CA12: variants seen among roughly 807,000 people sequenced by gnomAD.
CA12 encodes the protein carbonate dehydratase XII.
In CA12, 36 loss-of-function variants were observed where a neutral mutation model predicts 46.8. The observed-to-expected ratio is 0.77, with a 90% CI of 0.59 to 1.02. The LOEUF is 1.02. Ranked by LOEUF, CA12 falls within the 50% of genes least tolerant of loss-of-function variation. CA12 has a pLI of 0.00. For missense variants in CA12, 436 were observed against 451.4 expected, an observed-to-expected ratio of 0.97 and a Z score of 0.31; for synonymous variants, 202 against 187.0, an observed-to-expected ratio of 1.08 and a Z score of -0.65.
At chr15:63,342,207 C>T (rs1171732535) in intron 4 of CA12, 110 bp from the exon 5 acceptor site, 6 of 732,218 alleles carry the variant, frequency 8.2e-6, no homozygotes, top group African/African-American at 3.5e-5. Context: ...GCCCCCTCAG[C>T]CCCCCAGACT....
chr15:63,348,687 G>C lies in CA12; in HGVS notation c.107-1978C>G, dbSNP rs558343973. On this transcript the variant is annotated intron_variant, in intron 2 of 10. Coordinates refer to ENST00000178638, the MANE Select transcript of CA12 (RefSeq NM_001218.5). This position sits in a 1 kb window ranked among gnomAD's most constrained non-coding sequence, Gnocchi z 4.6. ...TGACTAAAGGGAACTGGATTAGAAG[G>C]GTTTTCTTTTCCCACAGTGGAGGTT... Among the ~76,000 whole-genome samples, 1 of 152,166 alleles carries C rather than the reference G, an allele frequency of 6.6e-6. No individual in the cohort carries two copies. Among genetic ancestry groups the C allele is most frequent in the Non-Finnish European group, 1.5e-5 (1 of 68,042 alleles).
At chr15:63,361,639 G>A (rs1481919656) in intron 2 of CA12, among the ~76,000 whole-genome samples, 3 of 152,186 alleles carry the variant, frequency 2.0e-5, no homozygotes, top group African/African-American at 7.2e-5. Flanking sequence ...CGTGAGGAAA[G>A]AGGAACCAGA....
chr15:63,340,813 G>A lies in CA12; in HGVS notation c.526-30C>T. 1 of 1,597,626 alleles carries A rather than the reference G, an allele frequency of 6.3e-7. No homozygotes were observed. The highest frequency in any genetic ancestry group is 8.6e-7 in the Non-Finnish European group (1 of 1,165,010). On this transcript the variant is annotated intron_variant, in intron 5 of 10. Coordinates refer to ENST00000178638, the MANE Select transcript of CA12 (RefSeq NM_001218.5). This position sits in a 1 kb window ranked among gnomAD's most constrained non-coding sequence, Gnocchi z 4.4. ...AACAGAGACAGGGCAGGTTAAACTG[G>A]GACAGAACAGGATAGGCTGAGCCAG...
Position 63,378,950 on chromosome 15 carries a change from C to T in CA12, c.85+2686G>A, listed in dbSNP as rs1399975544. The T allele has an allele frequency of 6.6e-6, 1 of 152,266 alleles. No homozygotes were observed. The highest frequency in any genetic ancestry group is 1.5e-5 in the Non-Finnish European group (1 of 68,068). 9.4% of individuals were successfully genotyped at this position (152,266 alleles called of 1,614,324 possible). On this transcript the variant is annotated intron_variant, in intron 1 of 10. Coordinates refer to ENST00000178638, the MANE Select transcript of CA12 (RefSeq NM_001218.5). The surrounding 1 kb of genome is among the most constrained non-coding windows in gnomAD (Gnocchi z 4.8). ...TACCTGCTCACATTCAAATCATAGC[C>T]TTATACCCTACATCTTCTGCTACCC... is the stretch of plus-strand genomic sequence containing the variant.
chr15:63,351,964 C>T (rs761021627), intron 2 of CA12, among the ~76,000 whole-genome samples: 11 of 152,146 alleles, frequency 7.2e-5, no homozygotes, highest in Non-Finnish European at 1.3e-4. Flanking sequence ...TTTTTAAGCT[C>T]ATTTCAGAAA....
Position 63,375,429 on chromosome 15 carries a change from T to C in CA12, c.106+229A>G, listed in dbSNP as rs569999378. The C allele has an allele frequency of 1.3e-4, 67 of 502,018 alleles. 2 individuals carry two copies. In the South Asian group the frequency reaches 1.7e-3, roughly 13 times the overall value. 31.1% of individuals were successfully genotyped at this position (502,018 alleles called of 1,614,324 possible). ...GAATCTGAAGCCTGGACACTATGAC[T>C]CACAGTCCTGTGCCTGGAGCAGGCT... On this transcript the variant is annotated intron_variant, in intron 2 of 10. Transcript: ENST00000178638.
chr15:63,343,199 T>C (rs2039103313), intron 4 of CA12, among the ~76,000 whole-genome samples: 1 of 152,066 alleles, frequency 6.6e-6, no homozygotes, highest in Admixed American at 6.6e-5. Flanking sequence ...GTCTGTACTT[T>C]TCTTATTGTG....
intron 2 of CA12, among the ~76,000 whole-genome samples, chr15:63,359,228 C>T (rs560542623): frequency 6.6e-5 from 10 of 152,282 alleles, no homozygotes; most frequent in African/African-American, 2.2e-4. Context: ...CCAGATGTGG[C>T]TGGAAGGGGA....
chr15:63,349,248 TA>T (rs1287296415), intron 2 of CA12, among the ~76,000 whole-genome samples: 6 of 152,208 alleles, frequency 3.9e-5, no homozygotes, highest in Non-Finnish European at 8.8e-5. Context: ...TTAAGAATAC[TA>T]GGACTAAGCA....
chr15:63,336,314 C>T (rs1414064632), intron 8 of CA12, among the ~76,000 whole-genome samples: 3 of 152,118 alleles, frequency 2.0e-5, no homozygotes, highest in Admixed American at 6.6e-5. Context: ...AGACACAAGC[C>T]GGTCTAAGAA....
In CA12 at chr15:63,327,326, T is replaced by C; in HGVS notation, c.908-93A>G. On this transcript the variant is annotated intron_variant, in intron 9 of 10. Coordinates refer to ENST00000178638, the MANE Select transcript of CA12 (RefSeq NM_001218.5). This position sits in a 1 kb window ranked among gnomAD's most constrained non-coding sequence, Gnocchi z 4.5. ...GGTGTGAAATCATGGCCCAGCTGCA[T>C]AATCATCCACAGAAAGGAATAATTT... 3.3e-6 allele frequency: 3 copies of C among 922,272 alleles called. No homozygotes were observed. Among genetic ancestry groups the C allele is most frequent in the East Asian group, 2.6e-5 (1 of 37,832 alleles). The allele number at this position is 922,272 out of a possible 1,614,324, so 57.1% of individuals were successfully genotyped here.
At chr15:63,379,073 C>CAT (rs1198929146) in intron 1 of CA12, 3 of 152,196 alleles carry the variant, frequency 2.0e-5, no homozygotes, top group Non-Finnish European at 4.4e-5. Context: ...GGCTAAAAGT[C>CAT]ATAGAGTGGA....
chr15:63,368,337 C>CAT, intron 2 of CA12, among the ~76,000 whole-genome samples: 1 of 152,280 alleles, frequency 6.6e-6, no homozygotes, highest in South Asian at 2.1e-4. Flanking sequence ...TGCGCTCCAC[C>CAT]GTGGTGCCTG....
At chr15:63,381,084 A>T (rs1428294804) in intron 1 of CA12, among the ~76,000 whole-genome samples, 1 of 152,110 alleles carries the variant, frequency 6.6e-6, no homozygotes, top group South Asian at 2.1e-4. Context: ...ACGTGCACAC[A>T]CACGTACATT....
At position 63,327,424 on chromosome 15, in the gene CA12, C is replaced by T. The variant is rs978899374; in HGVS notation, c.908-191G>A. On this transcript the variant is annotated intron_variant, in intron 9 of 10. Transcript: ENST00000178638. The surrounding 1 kb of genome is among the most constrained non-coding windows in gnomAD (Gnocchi z 4.5). ...TGGAGTATTTTGAGGTGGCCGTTTG[C>T]AAATTCTAGTGGTTTTCCAGCAGAT... Among the ~76,000 whole-genome samples, 1 of 151,812 alleles carries T rather than the reference C, an allele frequency of 6.6e-6. No individual in the cohort carries two copies. Among genetic ancestry groups the T allele is most frequent in the Admixed American group, 6.6e-5 (1 of 15,234 alleles).
rs911883766 is a variant in CA12, at chr15:63,328,331, G to A, written c.875-201C>T. Among the ~76,000 whole-genome samples the A allele has an allele frequency of 2.0e-5, 3 of 149,334 alleles. No individual in the cohort carries two copies. The highest frequency in any genetic ancestry group is 4.9e-5 in the African/African-American group (2 of 40,578). ...AATTCATACTGCAATCCCTCCTTCC[G>A]ATGCTCCTTTTTTTTTTTTTTTTGA... is the stretch of plus-strand genomic sequence containing the variant. On this transcript the variant is annotated intron_variant, in intron 8 of 10. Transcript: ENST00000178638. This position sits in a 1 kb window ranked among gnomAD's most constrained non-coding sequence, Gnocchi z 5.9.
In CA12 at chr15:63,340,874, G is replaced by T. The variant is rs2039069974; in HGVS notation, c.526-91C>A. 1.8e-6 allele frequency: 2 copies of T among 1,084,712 alleles called. No homozygotes were observed. The highest frequency in any genetic ancestry group is 3.1e-5 in the African/African-American group (2 of 64,652). 67.2% of individuals were successfully genotyped at this position (1,084,712 alleles called of 1,614,324 possible). A position where few individuals can be genotyped will look rare whatever the true frequency, so the allele number is the denominator to read the frequency against. On this transcript the variant is annotated intron_variant, in intron 5 of 10. Coordinates refer to ENST00000178638, the MANE Select transcript of CA12 (RefSeq NM_001218.5). The surrounding 1 kb of genome is among the most constrained non-coding windows in gnomAD (Gnocchi z 4.4). ...TGCTATCAGAAGGGCAAAGCTGTGG[G>T]TATGTTGCCACCACTGCCTGAAGGA...
chr15:63,366,692 G>A (rs1413552215), intron 2 of CA12, among the ~76,000 whole-genome samples: 1 of 152,122 alleles, frequency 6.6e-6, no homozygotes, highest in Non-Finnish European at 1.5e-5. Flanking sequence ...AATAACAAGT[G>A]GGAAATTTTA....
rs2039132204 is a variant in CA12, at chr15:63,345,388, T to G, written c.429+89A>C. ...AGCCTGAAGGCAGCCTGTCCCATGC[T>G]CTGGTGTTATCTGCACAGCAGCCAG... On this transcript the variant is annotated intron_variant, in intron 4 of 10. Transcript: ENST00000178638. This position sits in a 1 kb window ranked among gnomAD's most constrained non-coding sequence, Gnocchi z 4.3. 6.5e-7 allele frequency: 1 copy of G among 1,541,362 alleles called. No individual in the cohort carries two copies. Among genetic ancestry groups the G allele is most frequent in the Admixed American group, 1.7e-5 (1 of 58,296 alleles).
Sources: allele counts gnomAD v4.1 joint callset (sites outside exome capture counted in the v4.1 genomes callset), GRCh38; gene constraint gnomAD v4.1.1; non-coding constraint Gnocchi (gnomAD v3.1); transcripts MANE v1.5; gene names NCBI Gene and HGNC (gene_info 2026-07-23, HGNC 2026-07-21).